C19orf47: variants seen among roughly 807,000 people sequenced by gnomAD.
C19orf47 encodes the protein chromosome 19 open reading frame 47, also known as uncharacterized protein C19orf47.
Under a neutral mutation model 32.3 loss-of-function variants are expected in C19orf47, and 18 were observed. The ratio of observed to expected loss-of-function variants is 0.56; its 90% CI spans 0.39 to 0.83. The LOEUF (loss-of-function observed/expected upper bound fraction) is 0.83, where lower values mean the gene tolerates loss of function less well. C19orf47 is among the 40% of genes least tolerant of loss of function. The pLI is 0.00. For missense variants in C19orf47, 484 were observed against 531.6 expected (o/e 0.91, Z 0.88); for synonymous variants, 202 against 211.1 (o/e 0.96, Z 0.37).
chr19:40,296,136 G>C, the C19orf47 span, among the ~76,000 whole-genome samples: 2 of 152,150 alleles, frequency 1.3e-5, no homozygotes, highest in Non-Finnish European at 2.9e-5. Flanking sequence ...GTCATTGTGT[G>C]AACATCAGAA....
Position 40,326,502 on chromosome 19 carries a change from AG to A in C19orf47, c.440-17del. Reference sequence around the variant, plus strand: ...GCCAGGGCTGCTGGGGGAAGAAAGCAGGGGTATCAGCACTCTCTGAGACAGA... The same window carrying A: ...GCCAGGGCTGCTGGGGGAAGAAAGCAGGGTATCAGCACTCTCTGAGACAGA... On this transcript the variant is annotated splice_polypyrimidine_tract_variant and intron_variant, in intron 6 of 8. Coordinates refer to ENST00000683109, the MANE Select transcript of C19orf47 (RefSeq NM_001256441.2). The A allele has an allele frequency of 1.9e-6, 3 of 1,610,128 alleles. No homozygotes were observed. The highest frequency in any genetic ancestry group is 1.7e-6 in the Non-Finnish European group (2 of 1,179,774).
At chr19:40,316,397 T>C (rs368220363), downstream of C19orf47, among the ~76,000 whole-genome samples, 3 of 152,222 alleles carry the variant, frequency 2.0e-5, no homozygotes, top group East Asian at 1.9e-4. Context: ...GGTTCTGCCA[T>C]TCAGCATGAG....
chr19:40,310,135 T>G, the C19orf47 span, among the ~76,000 whole-genome samples: 1 of 152,022 alleles, frequency 6.6e-6, no homozygotes, highest in African/African-American at 2.4e-5. Flanking sequence ...CATCAACTCA[T>G]AGATAAACAA....
chr19:40,346,171 A>AT (rs1491235724), intron 1 of C19orf47, among the ~76,000 whole-genome samples: 1 of 140,840 alleles, frequency 7.1e-6, no homozygotes, highest in East Asian at 2.2e-4. Context: ...AAAAAAAAAA[A>AT]GTAAGATTAC....
At chr19:40,318,762 T>C (rs1226735812), downstream of C19orf47, among the ~76,000 whole-genome samples, 1 of 151,786 alleles carries the variant, frequency 6.6e-6, no homozygotes, top group Non-Finnish European at 1.5e-5. Context: ...CTATTACTGC[T>C]CTCTACAGTT....
the C19orf47 span, among the ~76,000 whole-genome samples, chr19:40,304,029 T>A: frequency 6.6e-6 from 1 of 152,120 alleles, no homozygotes; most frequent in South Asian, 2.1e-4. Flanking sequence ...ATTAAATACC[T>A]GTTTGCTTGT....
At chr19:40,334,261 C>T (rs1467657758) in intron 4 of C19orf47, among the ~76,000 whole-genome samples, 1 of 151,932 alleles carries the variant, frequency 6.6e-6, no homozygotes, top group African/African-American at 2.4e-5. Context: ...CCAGCCTGGC[C>T]AACACAGTGG....
the C19orf47 span, among the ~76,000 whole-genome samples, chr19:40,305,204 G>A: frequency 4.6e-5 from 7 of 152,060 alleles, 1 homozygote; most frequent in Non-Finnish European, 4.4e-5. Flanking sequence ...TTAGCCAGGC[G>A]TTGTGGTGGG....
the C19orf47 span, among the ~76,000 whole-genome samples, chr19:40,313,627 C>T: frequency 2.2e-4 from 34 of 152,156 alleles, no homozygotes; most frequent in Admixed American, 2.2e-3. Flanking sequence ...GCCCAGCCCG[C>T]TTTTCCTTTT....
intron 8 of C19orf47, among the ~76,000 whole-genome samples, chr19:40,323,584 C>T (rs2077766053): frequency 1.3e-5 from 2 of 152,154 alleles, no homozygotes; most frequent in Non-Finnish European, 2.9e-5. Context: ...GGGCTGGGGT[C>T]CATGGTAACT....
At chr19:40,327,202 T>C (rs1334033795) in intron 6 of C19orf47, among the ~76,000 whole-genome samples, 5 of 151,558 alleles carry the variant, frequency 3.3e-5, no homozygotes, top group African/African-American at 1.2e-4. Flanking sequence ...TTGGTAGACA[T>C]GGGGTTTCAC....
the C19orf47 span, among the ~76,000 whole-genome samples, chr19:40,302,584 C>T: frequency 6.6e-6 from 1 of 152,298 alleles, no homozygotes; most frequent in South Asian, 2.1e-4. Context: ...AGCCACCACT[C>T]CTGGCAACAA....
intron 2 of C19orf47, among the ~76,000 whole-genome samples, chr19:40,337,441 A>T (rs938992367): frequency 6.6e-6 from 1 of 151,254 alleles, no homozygotes; most frequent in Admixed American, 6.6e-5. Context: ...CCTCAAACTG[A>T]CCCCAACCTG....
chr19:40,346,602 C>T (rs1219117294), intron 1 of C19orf47, among the ~76,000 whole-genome samples: 1 of 149,014 alleles, frequency 6.7e-6, no homozygotes, highest in Non-Finnish European at 1.5e-5. Flanking sequence ...TCTCGTCTCA[C>T]TGCAACCTCT....
At chr19:40,323,965 A>G (rs747650981) in intron 8 of C19orf47, 41 bp downstream of exon 8, 3 of 1,611,634 alleles carry the variant, frequency 1.9e-6, no homozygotes, top group South Asian at 2.2e-5. Context: ...AGGGAAGACA[A>G]CAGCTCGCAC....
intron 1 of C19orf47, among the ~76,000 whole-genome samples, chr19:40,347,952 C>T (rs1430601858): frequency 2.6e-4 from 39 of 152,286 alleles, no homozygotes; most frequent in Admixed American, 2.6e-3. Context: ...GAAGCGAAGA[C>T]ACAGGCCCCA....
the C19orf47 span, among the ~76,000 whole-genome samples, chr19:40,309,819 G>A: frequency 6.6e-6 from 1 of 152,118 alleles, no homozygotes; most frequent in Admixed American, 6.6e-5. Context: ...ACAGTAAGAT[G>A]CCATTTAACA....
At chr19:40,314,319 T>C in the C19orf47 span, among the ~76,000 whole-genome samples, 1 of 152,038 alleles carries the variant, frequency 6.6e-6, no homozygotes, top group African/African-American at 2.4e-5. Context: ...TCCCAGCTAC[T>C]CAGGAGGCTA....
At chr19:40,315,561 G>A (rs539423839), downstream of C19orf47, among the ~76,000 whole-genome samples, 30 of 152,198 alleles carry the variant, frequency 2.0e-4, no homozygotes, top group Admixed American at 1.7e-3. Context: ...TGAGCAAATC[G>A]CCTGAGGTCA....
Sources: allele counts gnomAD v4.1 joint callset (sites outside exome capture counted in the v4.1 genomes callset), GRCh38; gene constraint gnomAD v4.1.1; transcripts MANE v1.5; gene names NCBI Gene and HGNC (gene_info 2026-07-23, HGNC 2026-07-21).